The following SH3GL2 variants were observed in gnomAD, a reference collection of about 807,000 sequenced individuals.
The protein encoded by SH3GL2 is SH3 domain containing GRB2 like 2, endophilin A1.
SH3GL2 carries 24 observed loss-of-function variants against 46.0 expected under a neutral mutation model. The ratio of observed to expected loss-of-function variants is 0.52; its 90% CI spans 0.38 to 0.73. SH3GL2 has a LOEUF of 0.73. Among genes scored for constraint, SH3GL2 ranks in the 30% least tolerant of loss-of-function variants. The pLI is 0.00. For synonymous variants in SH3GL2, 196 were observed against 147.1 expected, an observed-to-expected ratio of 1.33 and a Z score of -2.40; for missense variants, 413 against 424.2, an observed-to-expected ratio of 0.97 and a Z score of 0.23.
intron 1 of SH3GL2, among the ~76,000 whole-genome samples, chr9:17,701,757 C>T (rs991152255): frequency 5.9e-5 from 9 of 151,894 alleles, no homozygotes; most frequent in Non-Finnish European, 1.0e-4. Context: ...TATAATTTTT[C>T]TATTTAAAAA....
At chr9:17,700,477 C>T (rs2118197839) in intron 1 of SH3GL2, among the ~76,000 whole-genome samples, 1 of 152,312 alleles carries the variant, frequency 6.6e-6, no homozygotes, top group African/African-American at 2.4e-5. Flanking sequence ...GCCCCTTGGC[C>T]TCTTGGTTCC....
At chr9:17,726,027 T>G (rs779290429) in intron 1 of SH3GL2, among the ~76,000 whole-genome samples, 3 of 152,108 alleles carry the variant, frequency 2.0e-5, no homozygotes, top group Non-Finnish European at 2.9e-5. Context: ...TTCTTGCCAT[T>G]CTTACCAAGA....
At chr9:17,700,527 A>T (rs1000214246) in intron 1 of SH3GL2, among the ~76,000 whole-genome samples, 1 of 152,148 alleles carries the variant, frequency 6.6e-6, no homozygotes, top group Non-Finnish European at 1.5e-5. Flanking sequence ...CTAATTGCTG[A>T]ATATTTGTTT....
At chr9:17,582,767 C>T (rs1049606860) in intron 1 of SH3GL2, among the ~76,000 whole-genome samples, 1 of 152,196 alleles carries the variant, frequency 6.6e-6, no homozygotes, top group African/African-American at 2.4e-5. Flanking sequence ...AGTAGGGCCA[C>T]GAGCTCTCTG....
At chr9:17,771,651 C>G (rs3808672) in intron 3 of SH3GL2, among the ~76,000 whole-genome samples, 15,535 of 152,252 alleles carry the variant, frequency 0.1, 878 homozygotes, top group Non-Finnish European at 0.11. Flanking sequence ...CCAGGGCACT[C>G]TGTGAGACCT....
intron 1 of SH3GL2, among the ~76,000 whole-genome samples, chr9:17,597,975 C>G (rs1818605118): frequency 6.6e-6 from 1 of 152,118 alleles, no homozygotes; most frequent in Non-Finnish European, 1.5e-5. Flanking sequence ...ATTCCCTGCC[C>G]CCGTGGAACT....
intron 1 of SH3GL2, among the ~76,000 whole-genome samples, chr9:17,599,473 G>A (rs555249503): frequency 1.5e-4 from 23 of 152,332 alleles, no homozygotes; most frequent in African/African-American, 5.3e-4. Flanking sequence ...TAGGCAATAT[G>A]TGTCAATATG....
At chr9:17,642,380 T>C (rs1190434694) in intron 1 of SH3GL2, among the ~76,000 whole-genome samples, 1 of 152,228 alleles carries the variant, frequency 6.6e-6, no homozygotes, top group Non-Finnish European at 1.5e-5. Context: ...TTGTCAATTT[T>C]GGCTTGTGTT....
At chr9:17,692,244 G>A (rs1422308548) in intron 1 of SH3GL2, among the ~76,000 whole-genome samples, 1 of 151,196 alleles carries the variant, frequency 6.6e-6, no homozygotes, top group Admixed American at 6.6e-5. Flanking sequence ...GAGCTTTTGA[G>A]TAAGAAGGAG....
chr9:17,654,436 G>A (rs1257527131), intron 1 of SH3GL2, among the ~76,000 whole-genome samples: 1 of 152,202 alleles, frequency 6.6e-6, no homozygotes, highest in Non-Finnish European at 1.5e-5. Context: ...CATTGAAAAT[G>A]TAGCCATAGA....
chr9:17,710,550 A>G (rs1662482838), intron 1 of SH3GL2, among the ~76,000 whole-genome samples: 1 of 151,988 alleles, frequency 6.6e-6, no homozygotes, highest in Non-Finnish European at 1.5e-5. Flanking sequence ...CTACTTCTAG[A>G]TGTAGACTCA....
chr9:17,729,901 C>A (rs1822125707), intron 1 of SH3GL2, among the ~76,000 whole-genome samples: 1 of 152,132 alleles, frequency 6.6e-6, no homozygotes, highest in East Asian at 1.9e-4. Flanking sequence ...CATGATGCCT[C>A]CAGCTTTGTT....
intron 1 of SH3GL2, among the ~76,000 whole-genome samples, chr9:17,618,368 A>G (rs930455965): frequency 2.0e-5 from 3 of 152,148 alleles, no homozygotes; most frequent in African/African-American, 4.8e-5. Context: ...GAGTTAGGAA[A>G]TTGTTACTTT....
chr9:17,671,259 A>G (rs1012855287), intron 1 of SH3GL2, among the ~76,000 whole-genome samples: 2 of 152,050 alleles, frequency 1.3e-5, no homozygotes, highest in African/African-American at 4.8e-5. Flanking sequence ...TTCCAACTAC[A>G]TTTGCTAGGC....
intron 1 of SH3GL2, among the ~76,000 whole-genome samples, chr9:17,623,555 T>A (rs1246333807): frequency 6.6e-6 from 1 of 152,156 alleles, no homozygotes; most frequent in African/African-American, 2.4e-5. Flanking sequence ...AAAAATGTAA[T>A]CGGAGAATGA....
intron 1 of SH3GL2, among the ~76,000 whole-genome samples, chr9:17,586,251 A>C (rs1056355222): frequency 2.6e-5 from 4 of 152,208 alleles, no homozygotes; most frequent in Admixed American, 2.0e-4. Context: ...AATTGTATAT[A>C]GTAGTAATGA....
intron 1 of SH3GL2, among the ~76,000 whole-genome samples, chr9:17,634,412 A>G (rs980611364): frequency 8.5e-5 from 13 of 152,166 alleles, no homozygotes; most frequent in Non-Finnish European, 1.8e-4. Context: ...TTCTCTGATG[A>G]TGAAGTAAAA....
chr9:17,653,022 A>G (rs556282009), intron 1 of SH3GL2, among the ~76,000 whole-genome samples: 4 of 152,128 alleles, frequency 2.6e-5, no homozygotes, highest in South Asian at 4.2e-4. Flanking sequence ...GGTTTCTTCC[A>G]TTTTATCCCT....
At chr9:17,683,538 T>G (rs931880890) in intron 1 of SH3GL2, among the ~76,000 whole-genome samples, 1 of 152,012 alleles carries the variant, frequency 6.6e-6, no homozygotes, top group Non-Finnish European at 1.5e-5. Flanking sequence ...CTGGGACTAT[T>G]AGAGATCTCC....
Sources: allele counts gnomAD v4.1 joint callset (sites outside exome capture counted in the v4.1 genomes callset), GRCh38; gene constraint gnomAD v4.1.1; transcripts MANE v1.5; gene names NCBI Gene and HGNC (gene_info 2026-07-23, HGNC 2026-07-21).